Variants in SDK1 observed in about 807,000 individuals in gnomAD.
SDK1 encodes the protein protein sidekick-1.
Under a neutral mutation model 245.5 loss-of-function variants are expected in SDK1, and 157 were observed. That is an observed-to-expected ratio of 0.64 (90% CI 0.56 to 0.73). SDK1 has a LOEUF of 0.73. Among genes scored for constraint, SDK1 ranks in the 30% least tolerant of loss-of-function variants. SDK1 has a pLI of 0.00. For synonymous variants in SDK1, 1,647 were observed against 1,278.5 expected (o/e 1.29, Z -6.15); for missense variants, 3,583 against 3,002.3 (o/e 1.19, Z -4.52).
chr7:3,650,374 T>A (rs1337418914), intron 4 of SDK1, among the ~76,000 whole-genome samples: 2 of 152,206 alleles, frequency 1.3e-5, no homozygotes, highest in Non-Finnish European at 2.9e-5. Flanking sequence ...CTTCCCCTAG[T>A]CCCTGGAAAC....
At chr7:3,724,892 C>T (rs1393030719) in intron 4 of SDK1, among the ~76,000 whole-genome samples, 3 of 152,200 alleles carry the variant, frequency 2.0e-5, no homozygotes, top group African/African-American at 7.2e-5. Context: ...TGTGGCCATG[C>T]CTACCTGGAA....
chr7:4,061,250 G>A (rs923342133), intron 19 of SDK1, among the ~76,000 whole-genome samples: 11 of 151,990 alleles, frequency 7.2e-5, no homozygotes, highest in African/African-American at 1.2e-4. Flanking sequence ...CCATTTTCAC[G>A]ATATTGATTC....
At chr7:3,745,496 G>A (rs1004142) in intron 4 of SDK1, among the ~76,000 whole-genome samples, 11,049 of 152,082 alleles carry the variant, frequency 0.073, 1,245 homozygotes, top group African/African-American at 0.24. Context: ...GAATAGAAAC[G>A]TTACTCAGTT....
At chr7:3,506,238 A>T (rs949718767) in intron 1 of SDK1, among the ~76,000 whole-genome samples, 2 of 151,998 alleles carry the variant, frequency 1.3e-5, no homozygotes, top group African/African-American at 4.8e-5. Context: ...TGACATTTTC[A>T]TTGTATGTAG....
At chr7:3,685,910 T>G (rs145015978) in intron 4 of SDK1, among the ~76,000 whole-genome samples, 7 of 152,226 alleles carry the variant, frequency 4.6e-5, no homozygotes, top group Non-Finnish European at 8.8e-5. Flanking sequence ...TCAATAATTA[T>G]GTTAAATGTA....
intron 4 of SDK1, among the ~76,000 whole-genome samples, chr7:3,741,673 A>C (rs1246399191): frequency 2.0e-5 from 3 of 152,296 alleles, no homozygotes; most frequent in East Asian, 3.9e-4. Flanking sequence ...TTACAATCCC[A>C]TTTATCCCAT....
chr7:3,638,910 T>G, intron 2 of SDK1, 94 bp from the exon 3 acceptor site: 1 of 645,998 alleles, frequency 1.5e-6, no homozygotes, highest in Non-Finnish European at 2.7e-6. Flanking sequence ...CTAGATGAGA[T>G]GCCAGTGCTG....
chr7:4,261,267 A>G, intron 44 of SDK1, among the ~76,000 whole-genome samples: 1 of 151,456 alleles, frequency 6.6e-6, no homozygotes, highest in South Asian at 2.1e-4. Flanking sequence ...ATTCACTCTG[A>G]CTCTCAGATG....
chr7:3,899,652 G>A (rs1016077855), intron 5 of SDK1, among the ~76,000 whole-genome samples: 1 of 152,206 alleles, frequency 6.6e-6, no homozygotes, highest in Non-Finnish European at 1.5e-5. Flanking sequence ...CCAGGTCCAA[G>A]CTGCACCAGC....
chr7:3,683,009 C>G (rs902761616), intron 4 of SDK1, among the ~76,000 whole-genome samples: 1 of 152,154 alleles, frequency 6.6e-6, no homozygotes, highest in Non-Finnish European at 1.5e-5. Flanking sequence ...GTTGTGATCA[C>G]AAGTATGAGC....
rs771768740 is a variant in SDK1 at position 3,950,932 on chromosome 7, G to C, written c.857G>C (p.Gly286Ala). Reference sequence around the variant, plus strand: ...CTTTTCTCTGCCACAGGAGATGTTGGCACACCTGAAACCATGGCCCCAACC... The same window carrying C: ...CTTTTCTCTGCCACAGGAGATGTTGCCACACCTGAAACCATGGCCCCAACC... The part of the protein sequence containing the change: ...FIHLSIARDV[G>A]TPETMAPTIV... Residue 286 changes from glycine (G) to alanine (A), a missense_variant, in exon 6 of 45, where the codon GGC becomes GCC. By Grantham distance (60) the Gly-to-Ala change is moderately conservative. Transcript: ENST00000404826. 3 of 1,613,570 alleles carry C rather than the reference G, an allele frequency of 1.9e-6. No homozygotes were observed. The highest frequency in any genetic ancestry group is 2.5e-6 in the Non-Finnish European group (3 of 1,179,582).
Position 3,838,102 on chromosome 7 carries a change from G to C in SDK1, c.847+16519G>C, listed in dbSNP as rs1780066643. ...CTCCCTTAGCAAGTATAGCCGCTTA[G>C]TCATTTGCCAGGCTGTTGCATTGCA... On this transcript the variant is annotated intron_variant, in intron 5 of 44. Transcript: ENST00000404826. Among the ~76,000 whole-genome samples, 4 of 152,224 alleles carry C rather than the reference G, an allele frequency of 2.6e-5. 1 individual carries two copies. The South Asian group carries it at 8.3e-4, about 32-fold the overall frequency.
At chr7:3,679,218 A>T (rs978151236) in intron 4 of SDK1, among the ~76,000 whole-genome samples, 15 of 152,354 alleles carry the variant, frequency 9.8e-5, no homozygotes, top group African/African-American at 3.6e-4. Flanking sequence ...AAGGACTTTT[A>T]TCTGAAATCT....
Position 3,307,040 on chromosome 7 carries a change from G to A in SDK1, c.298+5156G>A, listed in dbSNP as rs183079356. Among the ~76,000 whole-genome samples, 5 of 152,262 alleles carry A rather than the reference G, an allele frequency of 3.3e-5. No individual in the cohort carries two copies. The East Asian group carries it at 7.7e-4, about 23-fold the overall frequency. On this transcript the variant is annotated intron_variant, in intron 1 of 44. Transcript: ENST00000404826. ...AATGAAAATCACATTGAAAGGTGTA[G>A]TATAAAGAAAAATTAAGGTTTATTT...
intron 1 of SDK1, among the ~76,000 whole-genome samples, chr7:3,571,661 T>A (rs1005109785): frequency 6.6e-6 from 1 of 152,088 alleles, no homozygotes; most frequent in South Asian, 2.1e-4. Flanking sequence ...TCCACATCTT[T>A]TAACGATTAT....
intron 7 of SDK1, chr7:3,958,356 A>G (rs750024269): frequency 8.2e-6 from 2 of 245,080 alleles, no homozygotes; most frequent in South Asian, 4.5e-5. Context: ...GGGCGAGTGG[A>G]GTATCGAGAG....
intron 2 of SDK1, among the ~76,000 whole-genome samples, chr7:3,635,346 T>G (rs926377109): frequency 2.0e-5 from 3 of 152,216 alleles, no homozygotes; most frequent in Non-Finnish European, 2.9e-5. Context: ...AAAACATAGT[T>G]TGATTAATTT....
chr7:4,233,658 G>A (rs1214492449), intron 41 of SDK1, among the ~76,000 whole-genome samples: 3 of 152,160 alleles, frequency 2.0e-5, no homozygotes, highest in Admixed American at 6.5e-5. Flanking sequence ...CAAGCGGGAC[G>A]AAAGGGACAC....
intron 19 of SDK1, among the ~76,000 whole-genome samples, chr7:4,054,079 C>G (rs1264465571): frequency 6.6e-6 from 1 of 151,894 alleles, no homozygotes; most frequent in Non-Finnish European, 1.5e-5. Flanking sequence ...GCTGGTATTA[C>G]AGGCACCGGC....
Sources: gnomAD v4.1 joint callset for allele counts (sites outside exome capture counted in the v4.1 genomes callset) on GRCh38, gnomAD v4.1.1 for gene constraint, MANE v1.5 for transcripts, NCBI Gene and HGNC (gene_info 2026-07-23, HGNC 2026-07-21) for gene names.